Variants in MGMT observed in about 807,000 individuals in gnomAD.
The protein encoded by MGMT is O-6-methylguanine-DNA methyltransferase.
Under a neutral mutation model 15.9 loss-of-function variants are expected in MGMT, and 14 were observed. The ratio of observed to expected loss-of-function variants is 0.88; its 90% CI spans 0.58 to 1.37. The LOEUF (loss-of-function observed/expected upper bound fraction) is 1.37, where lower values mean the gene tolerates loss of function less well. MGMT is among the 40% of genes most tolerant of loss of function. The pLI is 0.00. For synonymous variants in MGMT, 130 were observed against 118.2 expected (o/e 1.10, Z -0.65); for missense variants, 282 against 268.1 (o/e 1.05, Z -0.36).
chr10:129,631,244 C>T (rs1403194715), intron 2 of MGMT, among the ~76,000 whole-genome samples: 2 of 152,074 alleles, frequency 1.3e-5, no homozygotes, highest in Non-Finnish European at 2.9e-5. Context: ...ACACAGTCCC[C>T]GTTAAGGGTA....
At position 129,768,276 on chromosome 10, in the gene MGMT, C is replaced by T. The variant is rs1848961676; in HGVS notation, c.*1279C>T. ...CGCTGATTTATGATTTATTATATCC[C>T]TTTCTGGCATCAGCCAAAATCTCGG... On this transcript the variant is annotated 3_prime_UTR_variant, in exon 5 of 5. Transcript: ENST00000651593. Among the ~76,000 whole-genome samples the T allele has an allele frequency of 6.6e-6, 1 of 152,248 alleles. No homozygotes were observed. The highest frequency in any genetic ancestry group is 1.5e-5 in the Non-Finnish European group (1 of 68,046).
At chr10:129,759,096 C>G in intron 3 of MGMT, 106 bp from the exon 4 acceptor site, 1 of 1,381,864 alleles carries the variant, frequency 7.2e-7, no homozygotes, top group Non-Finnish European at 1.0e-6. Context: ...AGTATAATAC[C>G]TCTATTTGTG....
rs367997427 is a variant in MGMT at position 129,605,290 on chromosome 10, TTACTC to T, written c.125+68918_125+68922del. Among the ~76,000 whole-genome samples, 1,087 of 152,314 alleles carry T rather than the reference TTACTC, an allele frequency of 7.1e-3. 12 individuals carry two copies. Among genetic ancestry groups the T allele is most frequent in the African/African-American group, 0.024 (996 of 41,556 alleles). ...CTAATGATATTATTTTTTAAAAAAC[TTACTC>T]TACTATTTGCGGTCCTTGATCTTTA... is the stretch of plus-strand genomic sequence containing the variant. On this transcript the variant is annotated intron_variant, in intron 2 of 4. Transcript: ENST00000651593.
intron 3 of MGMT, among the ~76,000 whole-genome samples, chr10:129,727,105 G>C (rs951061183): frequency 6.6e-6 from 1 of 152,198 alleles, no homozygotes; most frequent in Non-Finnish European, 1.5e-5. Context: ...CCATGGGTTA[G>C]CCAGTCTCCA....
intron 1 of MGMT, among the ~76,000 whole-genome samples, chr10:129,481,100 G>A (rs1477524910): frequency 6.6e-6 from 1 of 152,210 alleles, no homozygotes; most frequent in Non-Finnish European, 1.5e-5. Context: ...CTAGAGTTTG[G>A]TGTCAATATC....
At chr10:129,675,412 G>C (rs1847773750) in intron 2 of MGMT, among the ~76,000 whole-genome samples, 1 of 152,232 alleles carries the variant, frequency 6.6e-6, no homozygotes, top group South Asian at 2.1e-4. Context: ...AGTGACGTCT[G>C]TAAGTGGACA....
chr10:129,624,761 T>A (rs901408730), intron 2 of MGMT, among the ~76,000 whole-genome samples: 5 of 152,188 alleles, frequency 3.3e-5, no homozygotes, highest in African/African-American at 4.8e-5. Context: ...AAATCAGAGA[T>A]GGTCTCACTG....
At chr10:129,506,962 C>A (rs538550358) in intron 1 of MGMT, among the ~76,000 whole-genome samples, 51 of 152,260 alleles carry the variant, frequency 3.3e-4, no homozygotes, top group Middle Eastern at 3.4e-3. Flanking sequence ...TGAATAGGAT[C>A]CCAGTCTTCA....
At chr10:129,760,724 G>A (rs1054321651) in intron 4 of MGMT, among the ~76,000 whole-genome samples, 7 of 152,110 alleles carry the variant, frequency 4.6e-5, no homozygotes, top group South Asian at 2.1e-4. Flanking sequence ...TTGCATTGTC[G>A]TAATGTACAC....
At chr10:129,668,279 C>G (rs979131316) in intron 2 of MGMT, among the ~76,000 whole-genome samples, 12 of 147,464 alleles carry the variant, frequency 8.1e-5, no homozygotes, top group African/African-American at 3.2e-4. Flanking sequence ...GCTACATATT[C>G]ATCTTAAAAA....
rs139476754 is a variant in MGMT at position 129,508,147 on chromosome 10, C to T, written c.-12-28094C>T. On this transcript the variant is annotated intron_variant, in intron 1 of 4. Transcript: ENST00000651593. ...AGTTCTCAGCCTGTAGGTCCTAGCC[C>T]GTAGGTAGACAGATGCTGTGGGGCA... 1.7e-3 allele frequency among the ~76,000 whole-genome samples: 265 copies of T among 152,240 alleles called. 1 individual carries two copies. The highest frequency in any genetic ancestry group is 5.9e-3 in the African/African-American group (246 of 41,540).
At chr10:129,571,516 C>T (rs999004950) in intron 2 of MGMT, among the ~76,000 whole-genome samples, 9 of 152,038 alleles carry the variant, frequency 5.9e-5, no homozygotes, top group South Asian at 2.1e-4. Context: ...AAGACGGGGC[C>T]GCATAATGGA....
chr10:129,680,505 G>A (rs1052254997), intron 2 of MGMT, among the ~76,000 whole-genome samples: 5 of 152,152 alleles, frequency 3.3e-5, no homozygotes, highest in South Asian at 2.1e-4. Context: ...GAATTCTACC[G>A]ACTTTGGAGC....
intron 1 of MGMT, among the ~76,000 whole-genome samples, chr10:129,520,961 C>G (rs931184448): frequency 1.1e-5 from 1 of 87,764 alleles, no homozygotes; most frequent in East Asian, 4.2e-4. Context: ...GCCTACAGAG[C>G]CCCTACGGTG....
chr10:129,652,622 C>G (rs1468784454), intron 2 of MGMT, among the ~76,000 whole-genome samples: 1 of 152,186 alleles, frequency 6.6e-6, no homozygotes, highest in Non-Finnish European at 1.5e-5. Flanking sequence ...ACGGTGCTGT[C>G]CCCCGCAGTG....
At chr10:129,683,065 C>T (rs1478220470) in intron 2 of MGMT, among the ~76,000 whole-genome samples, 2 of 152,184 alleles carry the variant, frequency 1.3e-5, no homozygotes, top group Admixed American at 6.5e-5. Context: ...GCCAGGCTGG[C>T]CTCAAACTCC....
At chr10:129,611,150 T>C (rs1846954937) in intron 2 of MGMT, among the ~76,000 whole-genome samples, 1 of 152,168 alleles carries the variant, frequency 6.6e-6, no homozygotes, top group African/African-American at 2.4e-5. Context: ...TGCAGGTGGC[T>C]GTTGGGGAGT....
chr10:129,743,360 C>T (rs910334551), intron 3 of MGMT, among the ~76,000 whole-genome samples: 4 of 152,186 alleles, frequency 2.6e-5, no homozygotes, highest in South Asian at 2.1e-4. Context: ...GGTGCTGTCA[C>T]GCATCCGTTT....
chr10:129,695,736 G>C (rs1163461230), intron 2 of MGMT, among the ~76,000 whole-genome samples: 1 of 152,170 alleles, frequency 6.6e-6, no homozygotes, highest in Non-Finnish European at 1.5e-5. Context: ...TTCTTTAATA[G>C]AGACGACAAA....
Sources: allele counts gnomAD v4.1 joint callset (sites outside exome capture counted in the v4.1 genomes callset), GRCh38; gene constraint gnomAD v4.1.1; transcripts MANE v1.5; gene names NCBI Gene and HGNC (gene_info 2026-07-23, HGNC 2026-07-21).